Variants in CAPRIN1 observed in about 807,000 individuals in gnomAD.
CAPRIN1 encodes cell cycle associated protein 1, also known as caprin-1.
In CAPRIN1, 29 loss-of-function variants were observed where a neutral mutation model predicts 100.9. That is an observed-to-expected ratio of 0.29 (90% CI 0.21 to 0.39). CAPRIN1 has a LOEUF of 0.39. Among genes scored for constraint, CAPRIN1 ranks in the 10% least tolerant of loss-of-function variants. The pLI is 1.00. For synonymous variants in CAPRIN1, 338 were observed against 307.5 expected, an observed-to-expected ratio of 1.10 and a Z score of -1.04; for missense variants, 795 against 876.7, an observed-to-expected ratio of 0.91 and a Z score of 1.18.
Position 34,101,311 on chromosome 11 carries a change from A to G in CAPRIN1, c.*1944A>G, listed in dbSNP as rs1290968412. Among the ~76,000 whole-genome samples the G allele has an allele frequency of 6.6e-6, 1 of 152,152 alleles. No homozygotes were observed. Among genetic ancestry groups the G allele is most frequent in the Non-Finnish European group, 1.5e-5 (1 of 68,006 alleles). On this transcript the variant is annotated 3_prime_UTR_variant, in exon 19 of 19. Coordinates refer to ENST00000341394, the MANE Select transcript of CAPRIN1 (RefSeq NM_005898.5). ...TGTTACCTGTATCTTAGGGGAATGGATAAAATATTTGTGGTTTACTGGGTA... is the reference window on the plus strand; with the variant it reads ...TGTTACCTGTATCTTAGGGGAATGGGTAAAATATTTGTGGTTTACTGGGTA...
chr11:34,053,029 C>T (rs999751915), intron 2 of CAPRIN1: 8 of 1,041,670 alleles, frequency 7.7e-6, no homozygotes, highest in Non-Finnish European at 2.3e-6. Context: ...GAAGAGGTCC[C>T]TGCGCGGGGG....
At position 34,052,592 on chromosome 11, in the gene CAPRIN1, C is replaced by T; in HGVS notation, c.172C>T (p.Leu58Phe). The change falls in exon 2 of 19, where the codon CTC (leucine) becomes TTC (phenylalanine). Residue 58 changes from leucine (L) to phenylalanine (F), a missense_variant. Physicochemically the swap from Leu to Phe is conservative, Grantham distance 22. Coordinates refer to ENST00000341394, the MANE Select transcript of CAPRIN1 (RefSeq NM_005898.5). ...AVQTEAMKQI[L>F]GVIDKKLRNL... The stretch of plus-strand genomic sequence containing the variant: ...CCAGACCGAGGCCATGAAGCAGATT[C>T]TCGGGGTGATCGACAAGAAACTTCG... 1.2e-6 allele frequency: 2 copies of T among 1,611,334 alleles called. No homozygotes were observed. The highest frequency in any genetic ancestry group is 1.3e-5 in the African/African-American group (1 of 74,988).
intron 2 of CAPRIN1, among the ~76,000 whole-genome samples, chr11:34,068,264 T>TCG (rs1306312850): frequency 6.6e-6 from 1 of 152,214 alleles, no homozygotes; most frequent in Non-Finnish European, 1.5e-5. Context: ...ACAAGGTGTT[T>TCG]GGATCACCAG....
At chr11:34,052,132 C>T (rs1202961529) in intron 1 of CAPRIN1, 1 of 150,612 alleles carries the variant, frequency 6.6e-6, no homozygotes, top group Non-Finnish European at 1.5e-5. Context: ...GATGCCCCGC[C>T]TCCGGCGCGA....
At chr11:34,075,050 G>T (rs1039160534) in intron 4 of CAPRIN1, among the ~76,000 whole-genome samples, 3 of 151,456 alleles carry the variant, frequency 2.0e-5, no homozygotes, top group African/African-American at 7.3e-5. Flanking sequence ...TTTTAAAAAA[G>T]ACTTTTTTTT....
chr11:34,062,429 T>C (rs1467491932), intron 2 of CAPRIN1, among the ~76,000 whole-genome samples: 2 of 151,918 alleles, frequency 1.3e-5, no homozygotes, highest in African/African-American at 4.8e-5. Context: ...ATCAAGACCA[T>C]CTTGGCTAAC....
Position 34,086,352 on chromosome 11 carries a change from A to G in CAPRIN1, c.1170A>G (p.Val390=), listed in dbSNP as rs955376274. The G allele has an allele frequency of 6.2e-7, 1 of 1,614,118 alleles. No individual in the cohort carries two copies. Among genetic ancestry groups the G allele is most frequent in the South Asian group, 1.1e-5 (1 of 91,078 alleles). Residue 390 remains valine (V), a synonymous_variant, in exon 11 of 19, where the codon GTA becomes GTG. Coordinates refer to ENST00000341394, the MANE Select transcript of CAPRIN1 (RefSeq NM_005898.5). The part of the protein sequence containing the change: ...FENQTLDPAI[V]SAQPMNPTQN... ...ATCAGACACTTGATCCTGCCATTGT[A>G]TCTGCACAGCCTATGAATCCAACAC...
intron 15 of CAPRIN1, among the ~76,000 whole-genome samples, chr11:34,092,798 A>G (rs1279120827): frequency 1.3e-5 from 2 of 152,194 alleles, no homozygotes; most frequent in African/African-American, 4.8e-5. Flanking sequence ...TATTTTGTCA[A>G]GTAAGGTCAT....
At chr11:34,055,443 C>T (rs1448481662) in intron 2 of CAPRIN1, among the ~76,000 whole-genome samples, 2 of 152,172 alleles carry the variant, frequency 1.3e-5, no homozygotes, top group Non-Finnish European at 2.9e-5. Context: ...CTGCCTCGGC[C>T]CCCCGCCCAG....
chr11:34,079,590 G>C, intron 6 of CAPRIN1, 38 bp from the exon 7 acceptor site: 1 of 1,575,762 alleles, frequency 6.3e-7, no homozygotes, highest in Non-Finnish European at 8.7e-7. Context: ...GGCATCCTCA[G>C]ATAAGTCTTA....
intron 2 of CAPRIN1, among the ~76,000 whole-genome samples, chr11:34,056,936 G>A (rs1250810815): frequency 6.6e-6 from 1 of 152,136 alleles, no homozygotes; most frequent in Non-Finnish European, 1.5e-5. Flanking sequence ...TTTCCTGAAG[G>A]CTTTCTGCAC....
At position 34,076,288 on chromosome 11, in the gene CAPRIN1, A is replaced by C. The variant is rs773560298; in HGVS notation, c.419A>C (p.Glu140Ala). Residue 140 changes from glutamate (E) to alanine (A), a missense_variant, in exon 5 of 19, where the codon GAA becomes GCA. By Grantham distance (107) the Glu-to-Ala change is moderately radical. This residue lies in a region of CAPRIN1 where 648 missense variants were observed against 697.9 expected (regional missense o/e 0.93). Transcript: ENST00000341394. ...CGTCGGGAGCAGCTTATGAGAGAAG[A>C]AGCTGAACAGAAACGTTTAAAAACT... is the stretch of plus-strand genomic sequence containing the variant. Reference protein sequence around the residue: ...TARREQLMREEAEQKRLKTVL... With the variant: ...TARREQLMREAAEQKRLKTVL... 1.7e-5 allele frequency: 27 copies of C among 1,614,224 alleles called. No individual in the cohort carries two copies. The highest frequency in any genetic ancestry group is 2.1e-5 in the Non-Finnish European group (25 of 1,180,036).
Position 34,096,784 on chromosome 11 carries a change from C to T in CAPRIN1, c.1900+111C>T, listed in dbSNP as rs1565099071. 9.9e-6 allele frequency: 7 copies of T among 704,648 alleles called. No homozygotes were observed. In the South Asian group the frequency reaches 1.3e-4, roughly 13 times the overall value. 43.6% of individuals were successfully genotyped at this position (704,648 alleles called of 1,614,324 possible). A position where few individuals can be genotyped will look rare whatever the true frequency, so the allele number is the denominator to read the frequency against. On this transcript the variant is annotated intron_variant, in intron 16 of 18. Transcript: ENST00000341394. ...GGAAGGATGTATCTGCATTAGCCTC[C>T]TATGTGCAATTTAAACAATGTATAT...
chr11:34,090,809 A>G (rs1025532943), intron 14 of CAPRIN1, 131 bp downstream of exon 14: 1 of 731,978 alleles, frequency 1.4e-6, no homozygotes, highest in Admixed American at 2.9e-5. Context: ...GGTATATTTA[A>G]TTGAACATAA....
rs1851443556 is a variant in CAPRIN1, at chr11:34,100,830, ATGC to A, written c.*1468_*1470del. On this transcript the variant is annotated 3_prime_UTR_variant, in exon 19 of 19. Transcript: ENST00000341394. Reference sequence around the variant, plus strand: ...CTAGTTCTGTGTGCCTAGGAAGTTAATGCTGCTTATTGTCTCATTCTGACTTCA... The same window carrying A: ...CTAGTTCTGTGTGCCTAGGAAGTTAATGCTTATTGTCTCATTCTGACTTCA... 6.6e-6 allele frequency: 1 copy of A among 152,634 alleles called. No individual in the cohort carries two copies. Among genetic ancestry groups the A allele is most frequent in the African/African-American group, 2.4e-5 (1 of 41,468 alleles). 9.5% of individuals were successfully genotyped at this position (152,634 alleles called of 1,614,324 possible). A position where few individuals can be genotyped will look rare whatever the true frequency, so the allele number is the denominator to read the frequency against.
chr11:34,076,659 T>A lies in CAPRIN1; in HGVS notation c.688+17T>A. ...GAACCACCTGTGAGTATCACTGTGA[T>A]AACTTTGATTTTATAACTAGGAATC... On this transcript the variant is annotated intron_variant, in intron 6 of 18. Coordinates refer to ENST00000341394, the MANE Select transcript of CAPRIN1 (RefSeq NM_005898.5). 1 of 1,522,648 alleles carries A rather than the reference T, an allele frequency of 6.6e-7. No homozygotes were observed. Among genetic ancestry groups the A allele is most frequent in the Non-Finnish European group, 9.1e-7 (1 of 1,104,262 alleles). 94.3% of individuals were successfully genotyped at this position (1,522,648 alleles called of 1,614,324 possible). A position where few individuals can be genotyped will look rare whatever the true frequency, so the allele number is the denominator to read the frequency against.
At chr11:34,099,085 C>T in intron 18 of CAPRIN1, 1 of 1,414,818 alleles carries the variant, frequency 7.1e-7, no homozygotes, top group East Asian at 2.6e-5. Context: ...TGGAATACTC[C>T]ATTAGCTTTA....
chr11:34,083,071 G>A (rs1235107018), intron 9 of CAPRIN1, 30 bp downstream of exon 9: 2 of 1,478,278 alleles, frequency 1.4e-6, no homozygotes, highest in Non-Finnish European at 1.9e-6. Flanking sequence ...CAAAGTTGTT[G>A]TCTTTGTCTT....
chr11:34,092,928 C>G (rs894844104), intron 15 of CAPRIN1, among the ~76,000 whole-genome samples: 1 of 152,006 alleles, frequency 6.6e-6, no homozygotes, highest in Non-Finnish European at 1.5e-5. Context: ...GCATAACTCA[C>G]TGCAGCCTCA....
Sources: gnomAD v4.1 joint callset for allele counts (sites outside exome capture counted in the v4.1 genomes callset) on GRCh38, gnomAD v4.1.1 for gene constraint, gnomAD v4.1.1 regional missense constraint, MANE v1.5 for transcripts, NCBI Gene and HGNC (gene_info 2026-07-23, HGNC 2026-07-21) for gene names.